EXOC1L: variants seen among roughly 807,000 people sequenced by gnomAD.
EXOC1L encodes exocyst complex component 1-like.
In EXOC1L, 10 loss-of-function variants were observed where a neutral mutation model predicts 4.9. The ratio of observed to expected loss-of-function variants is 2.02; its 90% CI spans 1.25 to 3.43. The LOEUF is 3.43. EXOC1L is among the 30% of genes most tolerant of loss of function. The probability of loss-of-function intolerance (pLI) is 0.00; values close to 1 mark genes in which losing one functional copy is unlikely to be tolerated. For missense variants in EXOC1L, 114 were observed against 59.4 expected, an observed-to-expected ratio of 1.92 and a Z score of -3.02; for synonymous variants, 41 against 20.8, an observed-to-expected ratio of 1.97 and a Z score of -2.63.
chr4:55,819,832 A>T lies in EXOC1L; in HGVS notation c.-195A>T. The T allele has an allele frequency of 2.8e-6, 1 of 359,766 alleles. No individual in the cohort carries two copies. The highest frequency in any genetic ancestry group is 4.9e-6 in the Non-Finnish European group (1 of 202,370). 22.3% of individuals were successfully genotyped at this position (359,766 alleles called of 1,614,324 possible). ...GCTGCTGCCACTGGGCAGATACCGC[A>T]GTGAGGGGTCTGACCGCGCTGAGTG... On this transcript the variant is annotated 5_prime_UTR_variant, in exon 1 of 3. Transcript: ENST00000636125.
chr4:55,824,273 TCACACA>T (rs747727307), intron 1 of EXOC1L, among the ~76,000 whole-genome samples: 10 of 147,262 alleles, frequency 6.8e-5, no homozygotes, highest in Middle Eastern at 3.5e-3. Flanking sequence ...TCTCTCTCTC[TCACACA>T]CACACACACA....
chr4:55,824,136 G>T (rs1719813856), intron 1 of EXOC1L, among the ~76,000 whole-genome samples: 1 of 151,878 alleles, frequency 6.6e-6, no homozygotes, highest in Non-Finnish European at 1.5e-5. Flanking sequence ...ATTGTCAAAT[G>T]GGGAACAGAC....
At chr4:55,823,749 C>T (rs1241701375) in intron 1 of EXOC1L, among the ~76,000 whole-genome samples, 1 of 152,116 alleles carries the variant, frequency 6.6e-6, no homozygotes, top group Non-Finnish European at 1.5e-5. Context: ...TGCTCTGTCA[C>T]CCAGGCTGGA....
chr4:55,831,926 A>G (rs1720043358), intron 2 of EXOC1L, among the ~76,000 whole-genome samples: 1 of 151,984 alleles, frequency 6.6e-6, no homozygotes, highest in African/African-American at 2.4e-5. Context: ...TAAATACTAC[A>G]ATCTCACCAC....
intron 1 of EXOC1L, among the ~76,000 whole-genome samples, chr4:55,823,135 G>A (rs951909488): frequency 6.6e-6 from 1 of 151,436 alleles, no homozygotes; most frequent in Admixed American, 6.6e-5. Flanking sequence ...AAAATAAATG[G>A]CATTTGCTAG....
intron 2 of EXOC1L, among the ~76,000 whole-genome samples, chr4:55,833,310 A>G (rs566413187): frequency 5.9e-5 from 9 of 151,808 alleles, no homozygotes; most frequent in Non-Finnish European, 1.2e-4. Flanking sequence ...ATATTACATC[A>G]ATTTTGCATA....
At chr4:55,823,279 T>A (rs897716964) in intron 1 of EXOC1L, among the ~76,000 whole-genome samples, 9 of 152,210 alleles carry the variant, frequency 5.9e-5, no homozygotes, top group African/African-American at 1.7e-4. Flanking sequence ...TAAATAAGAA[T>A]GAGTTAATGA....
chr4:55,828,518 C>T (rs148523471), intron 1 of EXOC1L, among the ~76,000 whole-genome samples: 302 of 152,242 alleles, frequency 2.0e-3, no homozygotes, highest in African/African-American at 6.9e-3. Flanking sequence ...CACCTCTTTC[C>T]TCTGCTCTTT....
intron 1 of EXOC1L, among the ~76,000 whole-genome samples, chr4:55,830,965 G>C (rs954444038): frequency 6.6e-6 from 1 of 152,030 alleles, no homozygotes; most frequent in African/African-American, 2.4e-5. Flanking sequence ...AAATTCCAAC[G>C]TGTTCTGATA....
chr4:55,821,185 T>C (rs1270008334), intron 1 of EXOC1L, among the ~76,000 whole-genome samples: 2 of 152,194 alleles, frequency 1.3e-5, no homozygotes, highest in Non-Finnish European at 2.9e-5. Context: ...AATTCTGTCA[T>C]TTCTAATAAA....
Position 55,836,992 on chromosome 4 carries a change from T to C in EXOC1L, c.253-93T>C, listed in dbSNP as rs200298119. 7 of 521,296 alleles carry C rather than the reference T, an allele frequency of 1.3e-5. No individual in the cohort carries two copies. In the East Asian group the frequency reaches 1.8e-4, roughly 13 times the overall value. The allele number at this position is 521,296 out of a possible 1,614,324, so 32.3% of individuals were successfully genotyped here. Reference sequence around the variant, plus strand: ...TATGTTTGATACTGATACTTTACAATCAATAAACATATCCAAGAGAATATG... The same window carrying C: ...TATGTTTGATACTGATACTTTACAACCAATAAACATATCCAAGAGAATATG... On this transcript the variant is annotated intron_variant, in intron 2 of 2. Transcript: ENST00000636125.
intron 1 of EXOC1L, among the ~76,000 whole-genome samples, chr4:55,823,347 A>G (rs1276631618): frequency 6.6e-6 from 1 of 152,198 alleles, no homozygotes; most frequent in Non-Finnish European, 1.5e-5. Flanking sequence ...CTGCTGCTAC[A>G]TTTGTGAATT....
At chr4:55,828,917 G>C (rs1447039) in intron 1 of EXOC1L, among the ~76,000 whole-genome samples, 108,345 of 152,082 alleles carry the variant, frequency 0.71, 39,005 homozygotes, top group East Asian at 0.82. Context: ...CCTTTCCACA[G>C]GAAAAAACCC....
At chr4:55,824,269 T>TCACA (rs1334481996) in intron 1 of EXOC1L, among the ~76,000 whole-genome samples, 9 of 146,086 alleles carry the variant, frequency 6.2e-5, no homozygotes, top group African/African-American at 2.3e-4. Flanking sequence ...TCTCTCTCTC[T>TCACA]CTCTCACACA....
chr4:55,829,472 C>T (rs1206258395), intron 1 of EXOC1L, among the ~76,000 whole-genome samples: 2 of 152,164 alleles, frequency 1.3e-5, no homozygotes, highest in Non-Finnish European at 2.9e-5. Context: ...CCTCCAGTTC[C>T]TCTTTCATTT....
chr4:55,820,943 T>A (rs1398726647), intron 1 of EXOC1L, among the ~76,000 whole-genome samples: 1 of 152,212 alleles, frequency 6.6e-6, no homozygotes, highest in Non-Finnish European at 1.5e-5. Flanking sequence ...TATACAGTAT[T>A]CCCTTTTCTT....
chr4:55,825,325 A>C (rs1447208217), intron 1 of EXOC1L, among the ~76,000 whole-genome samples: 1 of 152,188 alleles, frequency 6.6e-6, no homozygotes, highest in Admixed American at 6.5e-5. Context: ...CTAACCAGTA[A>C]GAGTAGATGC....
intron 1 of EXOC1L, among the ~76,000 whole-genome samples, chr4:55,826,765 G>A (rs1307066277): frequency 1.3e-5 from 2 of 152,206 alleles, no homozygotes; most frequent in African/African-American, 4.8e-5. Flanking sequence ...TGGAAATTAG[G>A]GATTGGGTTG....
At chr4:55,824,092 T>C (rs11727702) in intron 1 of EXOC1L, among the ~76,000 whole-genome samples, 8,173 of 152,208 alleles carry the variant, frequency 0.054, 328 homozygotes, top group Non-Finnish European at 0.083. Context: ...AACTTACTAA[T>C]TGTTACTGAT....
Sources: gnomAD v4.1 joint callset for allele counts (sites outside exome capture counted in the v4.1 genomes callset) on GRCh38, gnomAD v4.1.1 for gene constraint, MANE v1.5 for transcripts, NCBI Gene and HGNC (gene_info 2026-07-23, HGNC 2026-07-21) for gene names.